Variants in AGBL1 observed in about 807,000 individuals in gnomAD.
AGBL1 encodes cytosolic carboxypeptidase 4.
A neutral mutation model predicts 118.9 loss-of-function variants in AGBL1; 130 were observed. The observed-to-expected ratio is 1.09, with a 90% CI of 0.95 to 1.26. The LOEUF (loss-of-function observed/expected upper bound fraction) is 1.26, where lower values mean the gene tolerates loss of function less well. Ranked by LOEUF, AGBL1 falls within the 50% of genes most tolerant of loss-of-function variation. The pLI, the probability that AGBL1 is intolerant of heterozygous loss-of-function variation, is 0.00. For synonymous variants in AGBL1, 555 were observed against 478.9 expected (o/e 1.16, Z -2.08); for missense variants, 1,584 against 1,298.1 (o/e 1.22, Z -3.38).
chr15:86,849,522 T>A (rs1023587148), intron 22 of AGBL1, among the ~76,000 whole-genome samples: 1 of 151,010 alleles, frequency 6.6e-6, no homozygotes, highest in Non-Finnish European at 1.5e-5. Flanking sequence ...TCTTTCTTTT[T>A]TTTTTTTTTT....
chr15:86,477,794 G>A (rs554376433), intron 18 of AGBL1, among the ~76,000 whole-genome samples: 57 of 152,262 alleles, frequency 3.7e-4, no homozygotes, highest in African/African-American at 1.4e-3. Flanking sequence ...GAGAATTTTA[G>A]ATCAATATCC....
intron 17 of AGBL1, among the ~76,000 whole-genome samples, chr15:86,335,326 G>C (rs867879487): frequency 2.0e-5 from 3 of 152,204 alleles, no homozygotes; most frequent in Middle Eastern, 3.4e-3. Flanking sequence ...TTTTAGTAGA[G>C]ATGGGGTTTC....
intron 14 of AGBL1, 34 bp from the exon 15 acceptor site, chr15:86,271,585 C>A: frequency 6.5e-7 from 1 of 1,531,982 alleles, no homozygotes; most frequent in Non-Finnish European, 9.0e-7. Flanking sequence ...ACTCTCTTTC[C>A]CTCATGGATT....
At chr15:86,110,583 T>C (rs1198363015) in intron 1 of AGBL1, among the ~76,000 whole-genome samples, 1 of 151,954 alleles carries the variant, frequency 6.6e-6, no homozygotes, top group Non-Finnish European at 1.5e-5. Flanking sequence ...CATGTATGAG[T>C]GGACCAGCAC....
chr15:86,620,855 T>C (rs756672584), intron 21 of AGBL1, among the ~76,000 whole-genome samples: 2 of 152,134 alleles, frequency 1.3e-5, no homozygotes, highest in Non-Finnish European at 2.9e-5. Flanking sequence ...AAATCCGACT[T>C]GCCGCCTGCA....
intron 23 of AGBL1, among the ~76,000 whole-genome samples, chr15:86,963,657 A>T (rs1212540830): frequency 2.0e-5 from 3 of 151,868 alleles, no homozygotes; most frequent in African/African-American, 7.3e-5. Flanking sequence ...ACATCACATC[A>T]CTCGGAGTTA....
At chr15:86,679,231 T>G (rs574112114) in intron 22 of AGBL1, among the ~76,000 whole-genome samples, 7 of 152,258 alleles carry the variant, frequency 4.6e-5, no homozygotes, top group African/African-American at 1.7e-4. Flanking sequence ...GATTCAGATC[T>G]GCTTTGATGT....
At chr15:86,283,353 G>A (rs1027846873) in intron 16 of AGBL1, among the ~76,000 whole-genome samples, 11 of 151,958 alleles carry the variant, frequency 7.2e-5, no homozygotes, top group Admixed American at 1.3e-4. Flanking sequence ...CAACAAAAGC[G>A]GTCATTAGCA....
chr15:86,992,678 T>A (rs1195240290), intron 24 of AGBL1, among the ~76,000 whole-genome samples: 1 of 151,814 alleles, frequency 6.6e-6, no homozygotes, highest in Non-Finnish European at 1.5e-5. Flanking sequence ...TGGGTCTGAG[T>A]GTTTCTTGCC....
At chr15:86,156,346 A>G (rs2077190691) in intron 4 of AGBL1, among the ~76,000 whole-genome samples, 1 of 152,026 alleles carries the variant, frequency 6.6e-6, no homozygotes, top group South Asian at 2.1e-4. Flanking sequence ...TCTTTCTTCT[A>G]TGCTTGGGCA....
intron 24 of AGBL1, among the ~76,000 whole-genome samples, chr15:87,008,418 C>A (rs570176956): frequency 6.6e-6 from 1 of 152,184 alleles, no homozygotes; most frequent in Non-Finnish European, 1.5e-5. Flanking sequence ...CCTTGCCTTC[C>A]GCCATGATTG....
intron 17 of AGBL1, among the ~76,000 whole-genome samples, chr15:86,392,806 T>C (rs749570463): frequency 9.2e-5 from 14 of 152,320 alleles, no homozygotes; most frequent in Non-Finnish European, 1.8e-4. Flanking sequence ...CCGTAGACTA[T>C]GGTGGTCACT....
chr15:86,426,238 T>C (rs1027203565), intron 18 of AGBL1, among the ~76,000 whole-genome samples: 11 of 152,164 alleles, frequency 7.2e-5, no homozygotes, highest in African/African-American at 2.7e-4. Flanking sequence ...TACAAAGGAA[T>C]GTCAGCTTAG....
At chr15:86,889,086 C>A (rs1007023152) in intron 22 of AGBL1, among the ~76,000 whole-genome samples, 2 of 151,992 alleles carry the variant, frequency 1.3e-5, no homozygotes, top group African/African-American at 4.8e-5. Context: ...TTTACTTTTA[C>A]AACGTTTATA....
Position 86,850,183 on chromosome 15 carries a change from C to T in AGBL1, c.3159-56904C>T, listed in dbSNP as rs181207805. 6.8e-4 allele frequency among the ~76,000 whole-genome samples: 103 copies of T among 152,128 alleles called. 1 individual carries two copies. The highest frequency in any genetic ancestry group is 2.4e-3 in the African/African-American group (99 of 41,492). ...TAGTGGAGCTGAAATGTACTGATAA[C>T]TGGGCTCAAAAGGGACAGTCATTTT... On this transcript the variant is annotated intron_variant, in intron 22 of 22. Transcript: ENST00000614907.
At chr15:86,732,652 G>A (rs1165485369) in intron 22 of AGBL1, among the ~76,000 whole-genome samples, 1 of 152,102 alleles carries the variant, frequency 6.6e-6, no homozygotes, top group African/African-American at 2.4e-5. Flanking sequence ...AGGCAATATA[G>A]TATTCACTAT....
chr15:86,205,652 A>G (rs1014164843), intron 5 of AGBL1, among the ~76,000 whole-genome samples: 2 of 152,152 alleles, frequency 1.3e-5, no homozygotes, highest in African/African-American at 4.8e-5. Context: ...TCATTGTAAT[A>G]GGTATGTATT....
chr15:86,168,346 A>G (rs2077370395), intron 5 of AGBL1, among the ~76,000 whole-genome samples: 1 of 152,146 alleles, frequency 6.6e-6, no homozygotes, highest in Non-Finnish European at 1.5e-5. Context: ...ATTTTATAAG[A>G]GCACCACGTT....
chr15:86,722,450 C>G (rs2086739613), intron 22 of AGBL1, among the ~76,000 whole-genome samples: 1 of 152,102 alleles, frequency 6.6e-6, no homozygotes, highest in African/African-American at 2.4e-5. Context: ...AACTGGCTAG[C>G]CATCTGTAGA....
Sources: gnomAD v4.1 joint callset for allele counts (sites outside exome capture counted in the v4.1 genomes callset) on GRCh38, gnomAD v4.1.1 for gene constraint, MANE v1.5 for transcripts, NCBI Gene and HGNC (gene_info 2026-07-23, HGNC 2026-07-21) for gene names.